Variants in CSMD3 observed in about 807,000 individuals in gnomAD.
The protein encoded by CSMD3 is CUB and sushi domain-containing protein 3.
A neutral mutation model predicts 435.2 loss-of-function variants in CSMD3; 177 were observed. That is an observed-to-expected ratio of 0.41 (90% CI 0.36 to 0.46). The LOEUF (loss-of-function observed/expected upper bound fraction) is 0.46. Ranked by LOEUF, CSMD3 falls within the 20% of genes least tolerant of loss-of-function variation. The pLI is 0.34. For synonymous variants in CSMD3, 1,656 were observed against 1,520.5 expected (o/e 1.09, Z -2.07); for missense variants, 4,265 against 4,504.6 (o/e 0.95, Z 1.52).
At chr8:113,236,133 A>G (rs2093145807) in intron 3 of CSMD3, among the ~76,000 whole-genome samples, 1 of 152,182 alleles carries the variant, frequency 6.6e-6, no homozygotes, top group Non-Finnish European at 1.5e-5. Flanking sequence ...CACTAGGTGG[A>G]GATTTTATAT....
chr8:112,551,191 A>G (rs1827654102), intron 26 of CSMD3, among the ~76,000 whole-genome samples: 1 of 152,112 alleles, frequency 6.6e-6, no homozygotes, highest in Admixed American at 6.6e-5. Flanking sequence ...CATGCTAGGC[A>G]CTGTGCAAAA....
chr8:113,080,350 C>T (rs1183922038), intron 5 of CSMD3, among the ~76,000 whole-genome samples: 1 of 151,988 alleles, frequency 6.6e-6, no homozygotes, highest in Non-Finnish European at 1.5e-5. Context: ...ATAAACTACA[C>T]CTTGTGGATG....
At chr8:112,238,351 C>T (rs925261160) in intron 66 of CSMD3, among the ~76,000 whole-genome samples, 4 of 151,984 alleles carry the variant, frequency 2.6e-5, no homozygotes, top group Non-Finnish European at 5.9e-5. Flanking sequence ...AGTCAGATCA[C>T]AGGGATTGCC....
At chr8:112,823,745 G>A (rs2132446636) in intron 12 of CSMD3, among the ~76,000 whole-genome samples, 1 of 152,172 alleles carries the variant, frequency 6.6e-6, no homozygotes, top group African/African-American at 2.4e-5. Context: ...TTCTAATTAT[G>A]TGGTCAATTT....
In CSMD3 at chr8:112,601,288, G is replaced by A. The variant is rs1027715704; in HGVS notation, c.3716-14053C>T. ...TTCTAATTCTTTAAATGCACTTCCC[G>A]GTGAAGTAACCCTGTGTTTTGGAGG... On this transcript the variant is annotated intron_variant, in intron 22 of 70. Coordinates refer to ENST00000297405, the MANE Select transcript of CSMD3 (RefSeq NM_198123.2). Among the ~76,000 whole-genome samples, 10 of 151,984 alleles carry A rather than the reference G, an allele frequency of 6.6e-5. No homozygotes were observed. In the East Asian group the frequency reaches 7.8e-4, roughly 12 times the overall value.
intron 4 of CSMD3, among the ~76,000 whole-genome samples, chr8:113,168,545 A>AAAAAAAAAAAAAAAAAAT: frequency 6.7e-6 from 1 of 149,030 alleles, no homozygotes; most frequent in Non-Finnish European, 1.5e-5. Context: ...AAAAAAAAAA[A>AAAAAAAAAAAAAAAAAAT]AACTACAGAT....
At chr8:112,383,848 T>C (rs1829698931) in intron 36 of CSMD3, among the ~76,000 whole-genome samples, 185 bp from the exon 37 acceptor site, 1 of 152,192 alleles carries the variant, frequency 6.6e-6, no homozygotes. Flanking sequence ...AGCTGATTTT[T>C]ATATAGAAAA....
At chr8:112,806,770 C>G (rs929302031) in intron 12 of CSMD3, among the ~76,000 whole-genome samples, 1 of 152,124 alleles carries the variant, frequency 6.6e-6, no homozygotes, top group Non-Finnish European at 1.5e-5. Flanking sequence ...TGCATTCCCC[C>G]GATCACAAAC....
chr8:112,993,611 A>G (rs1200859751), intron 6 of CSMD3, among the ~76,000 whole-genome samples: 1 of 151,860 alleles, frequency 6.6e-6, no homozygotes, highest in East Asian at 1.9e-4. Flanking sequence ...TCAAGGAACC[A>G]TATTTTTAGA....
At chr8:113,309,202 A>G (rs914696151) in intron 2 of CSMD3, 1 of 151,712 alleles carries the variant, frequency 6.6e-6, no homozygotes, top group Non-Finnish European at 1.5e-5. Flanking sequence ...TGGCCTCCCA[A>G]AGTTTTTTCT....
intron 29 of CSMD3, 74 bp downstream of exon 29, chr8:112,506,617 C>T (rs1351992800): frequency 1.9e-5 from 26 of 1,380,624 alleles, no homozygotes; most frequent in Admixed American, 5.1e-5. Context: ...AGGAATTAGT[C>T]TAGTACAAAT....
At chr8:113,009,458 A>T (rs911680007) in intron 6 of CSMD3, among the ~76,000 whole-genome samples, 5 of 151,716 alleles carry the variant, frequency 3.3e-5, no homozygotes, top group African/African-American at 1.2e-4. Flanking sequence ...GGGAATCTCT[A>T]TTTCACTCTG....
chr8:113,396,406 T>C (rs565183279), intron 1 of CSMD3, among the ~76,000 whole-genome samples: 2 of 152,268 alleles, frequency 1.3e-5, no homozygotes, highest in Admixed American at 6.5e-5. Context: ...GGAGTACAAC[T>C]AATAAGGGTA....
At chr8:112,547,946 G>C (rs1396890634) in intron 27 of CSMD3, among the ~76,000 whole-genome samples, 1 of 152,136 alleles carries the variant, frequency 6.6e-6, no homozygotes, top group Non-Finnish European at 1.5e-5. Context: ...GAATGAATGG[G>C]TAGGATGAAA....
rs144963050 is a variant in CSMD3 at position 112,837,805 on chromosome 8, T to C, written c.1756-8016A>G. Among the ~76,000 whole-genome samples the C allele has an allele frequency of 6.5e-3, 980 of 151,834 alleles. 6 individuals are homozygous for C. Among genetic ancestry groups the C allele is most frequent in the Non-Finnish European group, 9.5e-3 (644 of 67,796 alleles). On this transcript the variant is annotated intron_variant, in intron 11 of 70. Coordinates refer to ENST00000297405, the MANE Select transcript of CSMD3 (RefSeq NM_198123.2). ...CATTATGATTATTTCAGAATGGCAA[T>C]AAGTCACTCTAATATTAACAATTAT...
At chr8:112,816,254 TGAATA>T (rs960905345) in intron 12 of CSMD3, among the ~76,000 whole-genome samples, 2 of 152,102 alleles carry the variant, frequency 1.3e-5, no homozygotes, top group Non-Finnish European at 2.9e-5. Flanking sequence ...AAATCTGAGA[TGAATA>T]GAAGATGATT....
Position 112,593,518 on chromosome 8 carries a change from G to A in CSMD3, c.3716-6283C>T, listed in dbSNP as rs61631152. On this transcript the variant is annotated intron_variant, in intron 22 of 70. Coordinates refer to ENST00000297405, the MANE Select transcript of CSMD3 (RefSeq NM_198123.2). ...ACAAGATAAATTTGGTATGCCTGTT[G>A]GACGTCAAGTAAAGTACTCCAAGCA... Among the ~76,000 whole-genome samples the A allele has an allele frequency of 1.4e-3, 216 of 152,234 alleles. 2 individuals are homozygous for A. Among genetic ancestry groups the A allele is most frequent in the African/African-American group, 4.9e-3 (204 of 41,548 alleles).
chr8:112,935,168 G>A (rs926966710), intron 9 of CSMD3, among the ~76,000 whole-genome samples: 3 of 151,926 alleles, frequency 2.0e-5, no homozygotes, highest in African/African-American at 7.3e-5. Context: ...CTTTTCTTAC[G>A]GCGTGTTCTT....
At chr8:112,899,729 C>T (rs1291330130) in intron 10 of CSMD3, among the ~76,000 whole-genome samples, 2 of 144,910 alleles carry the variant, frequency 1.4e-5, no homozygotes, top group East Asian at 4.1e-4. Context: ...TACAGGTATG[C>T]TCATTCTCCT....
Sources: allele counts gnomAD v4.1 joint callset (sites outside exome capture counted in the v4.1 genomes callset), GRCh38; gene constraint gnomAD v4.1.1; transcripts MANE v1.5; gene names NCBI Gene and HGNC (gene_info 2026-07-23, HGNC 2026-07-21).